The following RANBP2 variants were observed in gnomAD, a reference collection of about 807,000 sequenced individuals.
RANBP2 encodes the protein RAN binding protein 2, also known as E3 SUMO-protein ligase RanBP2.
In RANBP2, 57 loss-of-function variants were observed where a neutral mutation model predicts 303.6. The ratio of observed to expected loss-of-function variants is 0.19; its 90% CI spans 0.15 to 0.23. The LOEUF (loss-of-function observed/expected upper bound fraction) is 0.23. RANBP2 is among the 10% of genes least tolerant of loss of function. The probability of loss-of-function intolerance (pLI) is 1.00; values close to 1 mark genes in which losing one functional copy is unlikely to be tolerated. For missense variants in RANBP2, 3,138 were observed against 3,780.8 expected, an observed-to-expected ratio of 0.83 and a Z score of 4.46; for synonymous variants, 1,167 against 1,301.5, an observed-to-expected ratio of 0.90 and a Z score of 2.23.
chr2:109,071,661 A>G, the RANBP2 span, among the ~76,000 whole-genome samples: 6 of 143,438 alleles, frequency 4.2e-5, no homozygotes, highest in Non-Finnish European at 9.2e-5. Flanking sequence ...GTGACAAAGC[A>G]AGACTCTATC....
chr2:109,528,345 C>T, the RANBP2 span, among the ~76,000 whole-genome samples: 5 of 152,208 alleles, frequency 3.3e-5, no homozygotes, highest in East Asian at 1.9e-4. Flanking sequence ...TCCAATTGCC[C>T]GCAATAAACA....
At chr2:108,854,098 A>G in the RANBP2 span, among the ~76,000 whole-genome samples, 2 of 134,514 alleles carry the variant, frequency 1.5e-5, no homozygotes, top group Non-Finnish European at 3.1e-5. Flanking sequence ...TATATTATAT[A>G]TATAATAAAT....
At chr2:109,729,725 C>A in the RANBP2 span, among the ~76,000 whole-genome samples, 2 of 152,070 alleles carry the variant, frequency 1.3e-5, no homozygotes, top group African/African-American at 4.8e-5. Context: ...AGGAAAACTC[C>A]CAGGTGTCCT....
chr2:108,750,671 TC>T (rs1235295516), intron 9 of RANBP2, among the ~76,000 whole-genome samples: 1 of 151,872 alleles, frequency 6.6e-6, no homozygotes, highest in Admixed American at 6.6e-5. Context: ...CACTGCAACT[TC>T]CGCCTGCCAG....
At chr2:109,360,796 G>A in the RANBP2 span, among the ~76,000 whole-genome samples, 1 of 152,214 alleles carries the variant, frequency 6.6e-6, no homozygotes, top group Admixed American at 6.5e-5. Flanking sequence ...CTCCCAATCT[G>A]TACACTTTTA....
chr2:109,122,646 G>C, the RANBP2 span, among the ~76,000 whole-genome samples: 2 of 152,106 alleles, frequency 1.3e-5, no homozygotes, highest in Non-Finnish European at 2.9e-5. Context: ...AAGGTGGGAG[G>C]ACCACTTGAA....
At chr2:109,418,386 C>T in the RANBP2 span, among the ~76,000 whole-genome samples, 14 of 152,138 alleles carry the variant, frequency 9.2e-5, no homozygotes, top group Admixed American at 7.9e-4. Context: ...CTCTAGAGGT[C>T]GGAAGCCCCA....
At chr2:109,552,990 C>T in the RANBP2 span, 1 of 1,381,254 alleles carries the variant, frequency 7.2e-7, no homozygotes, top group African/African-American at 1.4e-5. Context: ...AACAAGTAGC[C>T]TACAAAAGAG....
chr2:109,602,021 A>T, the RANBP2 span, among the ~76,000 whole-genome samples: 2 of 152,178 alleles, frequency 1.3e-5, 1 homozygote, highest in South Asian at 4.1e-4. Context: ...CAAGGAAGGG[A>T]AATGACTGAA....
the RANBP2 span, among the ~76,000 whole-genome samples, chr2:109,046,177 G>A: frequency 6.7e-4 from 101 of 150,944 alleles, no homozygotes; most frequent in Non-Finnish European, 7.2e-4. Context: ...GGTGGCGGGC[G>A]CCTGTAGTCC....
chr2:109,306,841 A>G, the RANBP2 span, among the ~76,000 whole-genome samples: 1 of 152,344 alleles, frequency 6.6e-6, no homozygotes, highest in African/African-American at 2.4e-5. Flanking sequence ...GTCGACGTGT[A>G]TGTTGAGTAA....
At chr2:109,498,193 G>A in the RANBP2 span, among the ~76,000 whole-genome samples, 4 of 152,218 alleles carry the variant, frequency 2.6e-5, no homozygotes, top group Non-Finnish European at 4.4e-5. Flanking sequence ...AGTCTGGTTC[G>A]CCGGCAGATA....
chr2:108,890,129 A>ATTTTTTT, the RANBP2 span, among the ~76,000 whole-genome samples: 1 of 144,798 alleles, frequency 6.9e-6, no homozygotes, highest in African/African-American at 2.6e-5. Context: ...CTTGGCTGAC[A>ATTTTTTT]TTTTTTTTTT....
chr2:109,614,437 C>T, the RANBP2 span: 1 of 1,164,902 alleles, frequency 8.6e-7, no homozygotes, highest in Non-Finnish European at 1.1e-6. Context: ...GGGAGCCCGT[C>T]GCTATGGGAC....
chr2:109,347,918 A>T, the RANBP2 span: 2 of 1,608,950 alleles, frequency 1.2e-6, no homozygotes, highest in African/African-American at 2.7e-5. Context: ...AAGGACAAAG[A>T]CCAAGACAAG....
At chr2:109,708,648 C>G in the RANBP2 span, among the ~76,000 whole-genome samples, 1 of 151,662 alleles carries the variant, frequency 6.6e-6, no homozygotes. Flanking sequence ...GAGACCCTGT[C>G]TCAAAATAAA....
At chr2:109,338,276 G>T in the RANBP2 span, among the ~76,000 whole-genome samples, 1 of 152,112 alleles carries the variant, frequency 6.6e-6, no homozygotes, top group Non-Finnish European at 1.5e-5. Context: ...TGTTTTGCAG[G>T]TACGGAAACT....
chr2:109,614,905 C>G, the RANBP2 span: 2 of 1,448,272 alleles, frequency 1.4e-6, no homozygotes, highest in Non-Finnish European at 1.8e-6. Flanking sequence ...GAGGGAGAGC[C>G]CCCCGCCCCC....
At chr2:109,172,850 C>T in the RANBP2 span, among the ~76,000 whole-genome samples, 32 of 152,358 alleles carry the variant, frequency 2.1e-4, no homozygotes, top group Non-Finnish European at 4.3e-4. Flanking sequence ...TGTAGAAGAG[C>T]ACTGCCTTAG....
Sources: allele counts gnomAD v4.1 joint callset (sites outside exome capture counted in the v4.1 genomes callset), GRCh38; gene constraint gnomAD v4.1.1; transcripts MANE v1.5; gene names NCBI Gene and HGNC (gene_info 2026-07-23, HGNC 2026-07-21).